Variants in TACC2 observed in about 807,000 individuals in gnomAD.
The protein encoded by TACC2 is transforming acidic coiled-coil containing protein 2.
Under a neutral mutation model 227.3 loss-of-function variants are expected in TACC2, and 137 were observed. That is an observed-to-expected ratio of 0.60 (90% CI 0.52 to 0.69). The LOEUF is 0.69. Ranked by LOEUF, TACC2 falls within the 30% of genes least tolerant of loss-of-function variation. The probability of loss-of-function intolerance (pLI) is 0.00; values close to 1 mark genes in which losing one functional copy is unlikely to be tolerated. For missense variants in TACC2, 3,470 were observed against 3,694.4 expected (o/e 0.94, Z 1.57); for synonymous variants, 1,523 against 1,487.5 (o/e 1.02, Z -0.55).
At chr10:122,061,280 C>G (rs1472101791) in intron 3 of TACC2, among the ~76,000 whole-genome samples, 82 of 74,398 alleles carry the variant, frequency 1.1e-3, no homozygotes, top group African/African-American at 4.3e-3. Flanking sequence ...CACTGCACTC[C>G]GTCTCAAAAA....
chr10:122,181,067 C>CCTAGA (rs1038389238), intron 7 of TACC2, among the ~76,000 whole-genome samples: 37 of 150,844 alleles, frequency 2.5e-4, no homozygotes, highest in African/African-American at 8.5e-4. Context: ...TTTAAGGCAT[C>CCTAGA]CTAGAGCCTA....
chr10:122,232,861 T>A (rs1359343092), intron 16 of TACC2, among the ~76,000 whole-genome samples: 1 of 152,242 alleles, frequency 6.6e-6, no homozygotes, highest in Non-Finnish European at 1.5e-5. Flanking sequence ...TTTCTGGCCA[T>A]ATATTTCAGC....
intron 9 of TACC2, chr10:122,213,257 C>A: frequency 7.0e-7 from 1 of 1,421,780 alleles, no homozygotes; most frequent in Non-Finnish European, 9.8e-7. Flanking sequence ...ATATCCTAAC[C>A]CATTAATAAC....
At chr10:122,193,505 G>A (rs1355207574) in intron 7 of TACC2, among the ~76,000 whole-genome samples, 3 of 152,066 alleles carry the variant, frequency 2.0e-5, no homozygotes, top group Non-Finnish European at 2.9e-5. Flanking sequence ...TCAGCATTGG[G>A]TTGCACGGCT....
intron 7 of TACC2, among the ~76,000 whole-genome samples, chr10:122,170,784 G>A (rs1448616485): frequency 6.6e-6 from 1 of 152,206 alleles, no homozygotes; most frequent in Admixed American, 6.5e-5. Flanking sequence ...CCCCTCGCCT[G>A]ATGTTCACCA....
In TACC2 at chr10:122,085,630, C is replaced by T; in HGVS notation, c.3130C>T (p.Pro1044Ser). 1.2e-6 allele frequency: 2 copies of T among 1,613,436 alleles called. No homozygotes were observed. The highest frequency in any genetic ancestry group is 2.7e-5 in the African/African-American group (2 of 75,056). ...GGCAAGTGGAAACACAGGGGAGGCC[C>T]CACCTTGTCAGCCTGACTCAGTAGC... ...EMASGNTGEAPPCQPDSVALL... is the reference protein window; with the variant it reads ...EMASGNTGEASPCQPDSVALL... The change falls in exon 4 of 23, where the codon CCA becomes TCA. Residue 1044 changes from proline (P) to serine (S), a missense_variant. This residue lies in a region of TACC2 where 1,924 missense variants were observed against 1,978.3 expected (regional missense o/e 0.97). Coordinates refer to ENST00000369005, the MANE Select transcript of TACC2 (RefSeq NM_206862.4).
intron 1 of TACC2, among the ~76,000 whole-genome samples, chr10:121,991,114 T>G (rs1953011155): frequency 2.0e-5 from 3 of 152,198 alleles, no homozygotes; most frequent in African/African-American, 7.2e-5. Flanking sequence ...AAAATGCCTT[T>G]GTTATCATTT....
chr10:122,146,687 A>G (rs2135703), intron 7 of TACC2, among the ~76,000 whole-genome samples: 13,038 of 152,214 alleles, frequency 0.086, 783 homozygotes, highest in Admixed American at 0.16. Flanking sequence ...TAACTGTAAG[A>G]AAACAACTAC....
chr10:122,132,758 G>A (rs2088609028), intron 6 of TACC2, 24 bp downstream of exon 6: 2 of 1,613,326 alleles, frequency 1.2e-6, no homozygotes, highest in African/African-American at 1.3e-5. Context: ...CCTGGAGCTG[G>A]TGATGAGACC....
intron 12 of TACC2, among the ~76,000 whole-genome samples, chr10:122,225,385 C>T (rs962461067): frequency 7.2e-5 from 11 of 152,172 alleles, no homozygotes; most frequent in African/African-American, 1.9e-4. Context: ...TCATAGATGC[C>T]GGGGTTACTG....
chr10:122,079,116 T>G (rs2079160903), intron 3 of TACC2: 1 of 152,258 alleles, frequency 6.6e-6, no homozygotes, highest in Non-Finnish European at 1.5e-5. Flanking sequence ...ACTTCATTTC[T>G]GAATTACACA....
intron 8 of TACC2, among the ~76,000 whole-genome samples, chr10:122,201,357 G>T (rs2094842142): frequency 6.8e-6 from 1 of 147,922 alleles, no homozygotes; most frequent in Admixed American, 6.7e-5. Context: ...CACCTCACCT[G>T]CCCACAGTGG....
At chr10:122,208,855 C>T (rs902626915) in intron 8 of TACC2, among the ~76,000 whole-genome samples, 6 of 152,172 alleles carry the variant, frequency 3.9e-5, no homozygotes, top group Admixed American at 6.5e-5. Flanking sequence ...GCCTGCAGAC[C>T]GCTTTATCGT....
chr10:122,181,772 A>G (rs981996278), intron 7 of TACC2, among the ~76,000 whole-genome samples: 2 of 152,246 alleles, frequency 1.3e-5, no homozygotes, highest in Non-Finnish European at 1.5e-5. Flanking sequence ...TGCATTATGT[A>G]TGAGAGAACA....
intron 1 of TACC2, among the ~76,000 whole-genome samples, chr10:122,008,316 G>A (rs1358266912): frequency 6.8e-6 from 1 of 146,672 alleles, no homozygotes; most frequent in East Asian, 2.0e-4. Context: ...CTGGAGTGCA[G>A]TGGTGCGATC....
chr10:122,165,595 G>A (rs1035184186), intron 7 of TACC2, among the ~76,000 whole-genome samples: 1 of 152,194 alleles, frequency 6.6e-6, no homozygotes, highest in Non-Finnish European at 1.5e-5. Context: ...GGATAGTGGT[G>A]TTTAAATAAA....
At chr10:122,214,746 G>T (rs951004393) in intron 9 of TACC2, among the ~76,000 whole-genome samples, 2 of 152,174 alleles carry the variant, frequency 1.3e-5, no homozygotes, top group Non-Finnish European at 2.9e-5. Context: ...GAGAAAAAGG[G>T]AGAGAAGAGC....
intron 16 of TACC2, among the ~76,000 whole-genome samples, chr10:122,236,182 G>A (rs1589831102): frequency 1.3e-5 from 2 of 151,984 alleles, no homozygotes; most frequent in Admixed American, 1.3e-4. Flanking sequence ...TTCTGCACAG[G>A]TACCTTTAGG....
intron 5 of TACC2, among the ~76,000 whole-genome samples, chr10:122,116,472 C>T (rs2084719685): frequency 6.6e-6 from 1 of 152,218 alleles, no homozygotes; most frequent in African/African-American, 2.4e-5. Flanking sequence ...TCTTGCCCTA[C>T]CCCTTACCAG....
Sources: gnomAD v4.1 joint callset for allele counts (sites outside exome capture counted in the v4.1 genomes callset) on GRCh38, gnomAD v4.1.1 for gene constraint, gnomAD v4.1.1 regional missense constraint, MANE v1.5 for transcripts, NCBI Gene and HGNC (gene_info 2026-07-23, HGNC 2026-07-21) for gene names.